TMEM117: variants seen among roughly 807,000 people sequenced by gnomAD.
The protein encoded by TMEM117 is transmembrane protein 117.
In TMEM117, 27 loss-of-function variants were observed where a neutral mutation model predicts 52.4. That is an observed-to-expected ratio of 0.51 (90% CI 0.38 to 0.71). The LOEUF is 0.71. Among genes scored for constraint, TMEM117 ranks in the 30% least tolerant of loss-of-function variants. The pLI, the probability that TMEM117 is intolerant of heterozygous loss-of-function variation, is 0.00. For synonymous variants in TMEM117, 215 were observed against 206.3 expected (o/e 1.04, Z -0.36); for missense variants, 556 against 630.5 (o/e 0.88, Z 1.26).
intron 3 of TMEM117, among the ~76,000 whole-genome samples, chr12:43,993,011 A>G (rs1453762122): frequency 6.6e-6 from 1 of 152,232 alleles, no homozygotes; most frequent in African/African-American, 2.4e-5. Flanking sequence ...GTGTGGAACA[A>G]ATGTTCAGTA....
At chr12:43,887,503 T>C (rs746149887) in intron 2 of TMEM117, among the ~76,000 whole-genome samples, 1 of 152,188 alleles carries the variant, frequency 6.6e-6, no homozygotes, top group African/African-American at 2.4e-5. Flanking sequence ...AAACTAAGGA[T>C]GTTCTTTAAA....
intron 3 of TMEM117, among the ~76,000 whole-genome samples, chr12:44,059,132 G>T (rs1341951421): frequency 6.6e-6 from 1 of 152,210 alleles, no homozygotes; most frequent in Non-Finnish European, 1.5e-5. Context: ...AGGAAGTGGA[G>T]CTCAGGTGGT....
At chr12:44,016,317 C>CA (rs1261610728) in intron 3 of TMEM117, among the ~76,000 whole-genome samples, 3 of 152,298 alleles carry the variant, frequency 2.0e-5, no homozygotes, top group African/African-American at 7.2e-5. Context: ...TCCAAGCTAG[C>CA]AAGGGTAATT....
chr12:44,040,895 A>G (rs958134519), intron 3 of TMEM117, among the ~76,000 whole-genome samples: 1 of 152,320 alleles, frequency 6.6e-6, no homozygotes, highest in South Asian at 2.1e-4. Context: ...CTATATAACG[A>G]AGATGTTCAA....
intron 3 of TMEM117, among the ~76,000 whole-genome samples, chr12:44,099,269 A>G (rs1182539172): frequency 6.6e-6 from 1 of 152,000 alleles, no homozygotes; most frequent in Non-Finnish European, 1.5e-5. Context: ...AATTTTTTTA[A>G]AAAATAATTA....
Position 44,097,367 on chromosome 12 carries a change from AT to A in TMEM117, c.411-46157del, listed in dbSNP as rs1947784363. Among the ~76,000 whole-genome samples the A allele has an allele frequency of 3.3e-5, 5 of 151,942 alleles. No individual in the cohort carries two copies. The South Asian group carries it at 1.0e-3, about 32-fold the overall frequency. On this transcript the variant is annotated intron_variant, in intron 3 of 7. Transcript: ENST00000266534. The stretch of plus-strand genomic sequence containing the variant: ...TGACCCAGCCATCCCGTTACTGGGT[AT>A]ATACCCAAAGGACTATAAATCATGC...
intron 3 of TMEM117, among the ~76,000 whole-genome samples, chr12:43,951,201 C>T (rs896028766): frequency 1.3e-5 from 2 of 152,180 alleles, no homozygotes; most frequent in African/African-American, 4.8e-5. Context: ...CCCTGGGTCT[C>T]AAGCACAAAA....
intron 5 of TMEM117, among the ~76,000 whole-genome samples, chr12:44,277,668 C>G (rs2138585238): frequency 6.6e-6 from 1 of 151,308 alleles, no homozygotes; most frequent in Non-Finnish European, 1.5e-5. Flanking sequence ...GAGTCACTCT[C>G]AAATTTAAGC....
chr12:44,079,565 T>C (rs953570217), intron 3 of TMEM117, among the ~76,000 whole-genome samples: 2 of 152,166 alleles, frequency 1.3e-5, no homozygotes, highest in Non-Finnish European at 2.9e-5. Context: ...GAATTGTTTG[T>C]TTTTTTCTTG....
chr12:43,998,682 T>A (rs1946070216), intron 3 of TMEM117, among the ~76,000 whole-genome samples: 1 of 152,150 alleles, frequency 6.6e-6, no homozygotes, highest in East Asian at 1.9e-4. Context: ...TCACCAGAAC[T>A]CCAACAGCAC....
chr12:44,375,896 C>T (rs1165699181), intron 6 of TMEM117, among the ~76,000 whole-genome samples: 1 of 152,162 alleles, frequency 6.6e-6, no homozygotes. Flanking sequence ...TCCTCATTTG[C>T]ATCTGTTTCC....
intron 3 of TMEM117, among the ~76,000 whole-genome samples, chr12:43,950,023 G>T (rs1342798259): frequency 6.6e-6 from 1 of 152,056 alleles, no homozygotes; most frequent in Non-Finnish European, 1.5e-5. Flanking sequence ...GTTTCCTTTT[G>T]CCTCAACTTC....
At chr12:44,190,183 A>G (rs947313558) in intron 4 of TMEM117, among the ~76,000 whole-genome samples, 2 of 152,224 alleles carry the variant, frequency 1.3e-5, no homozygotes, top group Non-Finnish European at 2.9e-5. Context: ...ATTTTTTAGT[A>G]GCACTCAAAA....
chr12:44,159,532 T>G (rs1032479630), intron 4 of TMEM117, among the ~76,000 whole-genome samples: 8 of 152,168 alleles, frequency 5.3e-5, no homozygotes, highest in African/African-American at 1.9e-4. Context: ...TCACTTTTGA[T>G]GTTAGCATTT....
intron 3 of TMEM117, among the ~76,000 whole-genome samples, chr12:43,998,533 T>A (rs887386252): frequency 1.3e-5 from 2 of 152,214 alleles, no homozygotes; most frequent in African/African-American, 4.8e-5. Flanking sequence ...TGTTTTCTAT[T>A]TATTCATTTT....
intron 6 of TMEM117, 55 bp downstream of exon 6, chr12:44,299,794 A>G (rs915535121): frequency 6.3e-7 from 1 of 1,593,068 alleles, no homozygotes; most frequent in African/African-American, 1.3e-5. Context: ...TTCCCAGTAT[A>G]ACAAACAGGA....
chr12:43,852,816 A>G (rs1009271106), intron 2 of TMEM117, among the ~76,000 whole-genome samples: 1 of 152,170 alleles, frequency 6.6e-6, no homozygotes, highest in African/African-American at 2.4e-5. Flanking sequence ...TTGTTTTCCA[A>G]CATGTGCAGA....
rs114040789 is a variant in TMEM117 at position 44,233,110 on chromosome 12, C to G, written c.608+21723C>G. ...ACTGTTTTCAGTTCTTTTATCTTTT[C>G]TCTCTCTGTCTTGCCTTATTGTGGT... On this transcript the variant is annotated intron_variant, in intron 5 of 7. Coordinates refer to ENST00000266534, the MANE Select transcript of TMEM117 (RefSeq NM_032256.3). Among the ~76,000 whole-genome samples, 743 of 151,234 alleles carry G rather than the reference C, an allele frequency of 4.9e-3. 4 individuals carry two copies. The highest frequency in any genetic ancestry group is 0.016 in the African/African-American group (677 of 41,472).
chr12:44,350,678 TTGTTGCAGATGGCAGGATC>T (rs1468789078), intron 6 of TMEM117, among the ~76,000 whole-genome samples: 1 of 151,966 alleles, frequency 6.6e-6, no homozygotes, highest in Non-Finnish European at 1.5e-5. Flanking sequence ...TCCATCCATG[TTGTTGCAGATGGCAGGATC>T]TCATTGTTTT....
Sources: gnomAD v4.1 joint callset for allele counts (sites outside exome capture counted in the v4.1 genomes callset) on GRCh38, gnomAD v4.1.1 for gene constraint, MANE v1.5 for transcripts, NCBI Gene and HGNC (gene_info 2026-07-23, HGNC 2026-07-21) for gene names.